The following ATP9A variants were observed in gnomAD, a reference collection of about 807,000 sequenced individuals.
ATP9A encodes the protein ATPase phospholipid transporting 9A.
ATP9A carries 52 observed loss-of-function variants against 144.1 expected under a neutral mutation model. That is an observed-to-expected ratio of 0.36 (90% CI 0.29 to 0.45). The LOEUF (loss-of-function observed/expected upper bound fraction) is 0.45, where lower values mean the gene tolerates loss of function less well. Ranked by LOEUF, ATP9A falls within the 20% of genes least tolerant of loss-of-function variation. ATP9A has a pLI of 1.00. For synonymous variants in ATP9A, 582 were observed against 557.4 expected (o/e 1.04, Z -0.62); for missense variants, 947 against 1,392.7 (o/e 0.68, Z 5.09).
chr20:51,722,273 T>C (rs998532715), intron 3 of ATP9A, among the ~76,000 whole-genome samples: 7 of 152,212 alleles, frequency 4.6e-5, no homozygotes, highest in African/African-American at 1.7e-4. Flanking sequence ...CTTCTAGACA[T>C]TGGCTTAGGC....
chr20:51,646,030 A>G (rs2077341033), intron 14 of ATP9A, among the ~76,000 whole-genome samples: 1 of 152,312 alleles, frequency 6.6e-6, no homozygotes, highest in South Asian at 2.1e-4. Context: ...AGCTGGATAA[A>G]ATGCTGGAAA....
intron 14 of ATP9A, among the ~76,000 whole-genome samples, chr20:51,642,479 CAAAT>C (rs1427548525): frequency 6.6e-6 from 1 of 151,914 alleles, no homozygotes; most frequent in Non-Finnish European, 1.5e-5. Context: ...TAAAATGAAA[CAAAT>C]AGATTTTCTT....
intron 3 of ATP9A, among the ~76,000 whole-genome samples, chr20:51,722,136 AC>A (rs1427096421): frequency 6.6e-6 from 1 of 152,224 alleles, no homozygotes; most frequent in Non-Finnish European, 1.5e-5. Flanking sequence ...CTGGCTAGCC[AC>A]ATGTAGGAGA....
intron 13 of ATP9A, among the ~76,000 whole-genome samples, chr20:51,659,294 G>A (rs2077401730): frequency 6.6e-6 from 1 of 152,192 alleles, no homozygotes; most frequent in African/African-American, 2.4e-5. Context: ...TTACCTGACG[G>A]TTCCCTCTCA....
At chr20:51,736,457 T>C (rs1860924927) in intron 1 of ATP9A, among the ~76,000 whole-genome samples, 1 of 151,484 alleles carries the variant, frequency 6.6e-6, no homozygotes, top group South Asian at 2.1e-4. Flanking sequence ...TTTCTTTTTA[T>C]GGGAATGAAA....
rs139503530 is a variant in ATP9A at position 51,630,394 on chromosome 20, C to T, written c.1669-1322G>A. ...GGAAAGTCTTCATTGAATATGGAAC[C>T]GTGGAGACAAAAGTGACTGCATCTC... On this transcript the variant is annotated intron_variant, in intron 15 of 27. Coordinates refer to ENST00000338821, the MANE Select transcript of ATP9A (RefSeq NM_006045.3). Among the ~76,000 whole-genome samples the T allele has an allele frequency of 8.5e-4, 130 of 152,266 alleles. No individual in the cohort carries two copies. In the East Asian group the frequency reaches 0.011, roughly 13 times the overall value.
intron 7 of ATP9A, 29 bp from the exon 8 acceptor site, chr20:51,690,848 CAA>C (rs757367908): frequency 1.3e-6 from 2 of 1,595,228 alleles, no homozygotes; most frequent in Non-Finnish European, 1.7e-6. Flanking sequence ...ATTCGGGAGT[CAA>C]AGTCAGTTCA....
chr20:51,608,690 G>C, intron 24 of ATP9A, 64 bp from the exon 25 acceptor site: 1 of 1,035,434 alleles, frequency 9.7e-7, no homozygotes, highest in Non-Finnish European at 1.5e-6. Context: ...TGCTGTGCCA[G>C]CCTCCGGCAC....
intron 15 of ATP9A, among the ~76,000 whole-genome samples, chr20:51,638,225 ATC>A (rs1411614206): frequency 6.8e-6 from 1 of 146,420 alleles, no homozygotes; most frequent in Non-Finnish European, 1.5e-5. Context: ...ATGTGCAAGT[ATC>A]TCTTTCCTCC....
chr20:51,643,719 C>A (rs1479507649), intron 14 of ATP9A, among the ~76,000 whole-genome samples: 1 of 152,156 alleles, frequency 6.6e-6, no homozygotes, highest in Non-Finnish European at 1.5e-5. Context: ...TTTGTTATAG[C>A]AGGCCATGTT....
At chr20:51,758,427 A>G (rs2077865322) in intron 1 of ATP9A, among the ~76,000 whole-genome samples, 1 of 152,174 alleles carries the variant, frequency 6.6e-6, no homozygotes. Flanking sequence ...GACTTTCAAC[A>G]TTTCCATCTG....
chr20:51,607,436 G>A (rs2273090), intron 26 of ATP9A, 91 bp downstream of exon 26: 5 of 1,215,056 alleles, frequency 4.1e-6, no homozygotes, highest in Admixed American at 2.0e-5. Context: ...TTTCAGATTC[G>A]TTTCTTCTCT....
rs926755881 is a variant in ATP9A at position 51,601,188 on chromosome 20, G to A, written c.*23C>T. ...CCATCAGGGAAGCGCCAAGACCAGGGCCCCCTCCAGCGAACGCACGGCCTA... is the reference window on the plus strand; with the variant it reads ...CCATCAGGGAAGCGCCAAGACCAGGACCCCCTCCAGCGAACGCACGGCCTA... On this transcript the variant is annotated 3_prime_UTR_variant, in exon 28 of 28. Coordinates refer to ENST00000338821, the MANE Select transcript of ATP9A (RefSeq NM_006045.3). 6.3e-7 allele frequency: 1 copy of A among 1,579,742 alleles called. No homozygotes were observed. Among genetic ancestry groups the A allele is most frequent in the African/African-American group, 1.4e-5 (1 of 73,776 alleles).
intron 17 of ATP9A, among the ~76,000 whole-genome samples, chr20:51,626,099 C>A (rs762187065): frequency 6.6e-6 from 1 of 152,184 alleles, no homozygotes; most frequent in Non-Finnish European, 1.5e-5. Flanking sequence ...GTAAACAAGA[C>A]GAGGACCCTC....
chr20:51,759,925 T>C (rs2077871927), intron 1 of ATP9A, among the ~76,000 whole-genome samples: 1 of 152,116 alleles, frequency 6.6e-6, no homozygotes, highest in African/African-American at 2.4e-5. Flanking sequence ...GCGTGCAGTG[T>C]AGCCAAAATG....
intron 9 of ATP9A, among the ~76,000 whole-genome samples, chr20:51,681,428 T>TTTC (rs386393971): frequency 7.4e-4 from 26 of 35,274 alleles, no homozygotes; most frequent in Admixed American, 9.2e-4. Context: ...CCTAAATTTC[T>TTTC]TTTTTTTTTT....
intron 16 of ATP9A, 131 bp from the exon 17 acceptor site, chr20:51,627,814 C>T (rs959812246): frequency 2.6e-6 from 2 of 755,844 alleles, no homozygotes; most frequent in Admixed American, 2.1e-5. Flanking sequence ...AAGTTGCTTT[C>T]CCCTACGGCA....
chr20:51,682,474 C>G (rs944035370), intron 9 of ATP9A, among the ~76,000 whole-genome samples: 11 of 151,960 alleles, frequency 7.2e-5, no homozygotes, highest in African/African-American at 2.7e-4. Context: ...AACTTTAACC[C>G]CATCTTGTTC....
intron 15 of ATP9A, among the ~76,000 whole-genome samples, chr20:51,631,540 T>G (rs1218411568): frequency 6.6e-6 from 1 of 152,084 alleles, no homozygotes; most frequent in Non-Finnish European, 1.5e-5. Context: ...GCATCAACGA[T>G]CCCCTCCCAT....
Sources: allele counts gnomAD v4.1 joint callset (sites outside exome capture counted in the v4.1 genomes callset), GRCh38; gene constraint gnomAD v4.1.1; transcripts MANE v1.5; gene names NCBI Gene and HGNC (gene_info 2026-07-23, HGNC 2026-07-21).